The following GALNT9 variants were observed in gnomAD, a reference collection of about 807,000 sequenced individuals.
GALNT9 encodes GalNAc transferase 9.
A neutral mutation model predicts 63.1 loss-of-function variants in GALNT9; 47 were observed. The observed-to-expected ratio is 0.75, with a 90% confidence interval of 0.59 to 0.95. The LOEUF (loss-of-function observed/expected upper bound fraction) is 0.95. Among genes scored for constraint, GALNT9 ranks in the 40% least tolerant of loss-of-function variants. The pLI is 0.00. For missense variants in GALNT9, 829 were observed against 874.8 expected (o/e 0.95, Z 0.66); for synonymous variants, 396 against 365.7 (o/e 1.08, Z -0.94).
intron 2 of GALNT9, among the ~76,000 whole-genome samples, chr12:132,268,846 C>T (rs1344748903): frequency 1.3e-5 from 2 of 152,206 alleles, no homozygotes; most frequent in African/African-American, 2.4e-5. Flanking sequence ...GTCTGGCTAC[C>T]GGAAAGGCTG....
chr12:132,208,059 G>A (rs191066113), intron 6 of GALNT9, among the ~76,000 whole-genome samples: 98 of 152,272 alleles, frequency 6.4e-4, no homozygotes, highest in African/African-American at 1.8e-3. Flanking sequence ...GCCTTGTGCC[G>A]CGCTCCCCGG....
rs532350876 is a variant in GALNT9, at chr12:132,246,282, C to T, written c.1077+1628G>A. On this transcript the variant is annotated intron_variant, in intron 6 of 10. Coordinates refer to ENST00000328957, the MANE Select transcript of GALNT9 (RefSeq NM_001122636.2). The surrounding 1 kb of genome is among the most constrained non-coding windows in gnomAD (Gnocchi z 4.7). ...TGATTCTAGATGTGCAGTTTAAAAT[C>T]GGACAGGATGAGAGGATTAAAGGCA... is the stretch of plus-strand genomic sequence containing the variant. Among the ~76,000 whole-genome samples the T allele has an allele frequency of 1.6e-4, 25 of 152,288 alleles. No homozygotes were observed. In the South Asian group the frequency reaches 3.5e-3, roughly 21 times the overall value.
chr12:132,204,100 G>C (rs966164824), intron 6 of GALNT9, among the ~76,000 whole-genome samples: 3 of 149,556 alleles, frequency 2.0e-5, no homozygotes, highest in Non-Finnish European at 4.4e-5. Flanking sequence ...TTTACAAACA[G>C]CTGCTTGCCA....
intron 6 of GALNT9, among the ~76,000 whole-genome samples, chr12:132,214,842 GTTCCTGCTCAGTTCTGTGGCACGCCA>G (rs1178865078): frequency 2.6e-5 from 4 of 152,228 alleles, no homozygotes; most frequent in Admixed American, 2.6e-4. Flanking sequence ...GTGGCACCCT[GTTCCTGCTCAGTTCTGTGGCACGCCA>G]TTCCTGCTCA....
intron 6 of GALNT9, among the ~76,000 whole-genome samples, chr12:132,239,355 G>C (rs1878133297): frequency 6.7e-6 from 1 of 149,652 alleles, no homozygotes; most frequent in Non-Finnish European, 1.5e-5. Context: ...CAGAGTCAGA[G>C]ACAGAGAGAG....
At chr12:132,307,842 CAA>C (rs1881670658) in intron 1 of GALNT9, among the ~76,000 whole-genome samples, 1 of 145,864 alleles carries the variant, frequency 6.9e-6, no homozygotes, top group South Asian at 2.2e-4. Context: ...TCAAAACAAA[CAA>C]ACAACAACAA....
chr12:132,204,814 A>G (rs570021713), intron 6 of GALNT9, among the ~76,000 whole-genome samples: 2 of 151,842 alleles, frequency 1.3e-5, no homozygotes, highest in African/African-American at 4.8e-5. Flanking sequence ...TGACATCACT[A>G]TGAACAAATG....
intron 6 of GALNT9, among the ~76,000 whole-genome samples, chr12:132,230,649 C>T (rs1359811619): frequency 6.6e-6 from 1 of 152,210 alleles, no homozygotes; most frequent in Non-Finnish European, 1.5e-5. Context: ...CCGGGCAGGA[C>T]CCCTTCCCCG....
chr12:132,243,293 G>A (rs111391771), intron 6 of GALNT9, among the ~76,000 whole-genome samples: 1 of 140,058 alleles, frequency 7.1e-6, no homozygotes, highest in Non-Finnish European at 1.5e-5. Context: ...CACTTCCCGG[G>A]GCCCTCCCTA....
At chr12:132,200,373 G>GA (rs377697646) in intron 8 of GALNT9, 1 of 152,158 alleles carries the variant, frequency 6.6e-6, no homozygotes, top group Non-Finnish European at 1.5e-5. Context: ...TGGAGACGGG[G>GA]GTCTCTGTGT....
At position 132,290,973 on chromosome 12, in the gene GALNT9, A is replaced by G. The variant is rs1486671401; in HGVS notation, c.239-4543T>C. On this transcript the variant is annotated intron_variant, in intron 1 of 10. Transcript: ENST00000328957. ...CATCCACAGCGCCCACATCCACAGC[A>G]CCCACAACCACAGCACCCACAACCA... 1.3e-4 allele frequency among the ~76,000 whole-genome samples: 7 copies of G among 52,926 alleles called. 1 individual carries two copies. The highest frequency in any genetic ancestry group is 2.1e-4 in the Non-Finnish European group (6 of 28,438). The allele number at this position is 52,926 out of a possible 152,430, so 34.7% of individuals were successfully genotyped here.
intron 6 of GALNT9, among the ~76,000 whole-genome samples, chr12:132,231,020 C>T (rs1877872942): frequency 6.9e-6 from 1 of 144,436 alleles, no homozygotes; most frequent in Admixed American, 6.9e-5. Context: ...GTCCCTAGTG[C>T]CACACACTCG....
rs1321353931 is a variant in GALNT9, at chr12:132,286,941, C to T, written c.239-511G>A. Reference sequence around the variant, plus strand: ...CTGGTCTTGAACTCCTGACCTCAAGCGATCCACCTACCTAGGCCTCCCAAA... The same window carrying T: ...CTGGTCTTGAACTCCTGACCTCAAGTGATCCACCTACCTAGGCCTCCCAAA... On this transcript the variant is annotated intron_variant, in intron 1 of 10. Coordinates refer to ENST00000328957, the MANE Select transcript of GALNT9 (RefSeq NM_001122636.2). The surrounding 1 kb of genome is among the most constrained non-coding windows in gnomAD (Gnocchi z 7.4). 6.6e-6 allele frequency among the ~76,000 whole-genome samples: 1 copy of T among 152,002 alleles called. No homozygotes were observed. The highest frequency in any genetic ancestry group is 1.5e-5 in the Non-Finnish European group (1 of 67,982).
At chr12:132,201,586 C>G (rs1395674291) in intron 7 of GALNT9, among the ~76,000 whole-genome samples, 2 of 152,186 alleles carry the variant, frequency 1.3e-5, no homozygotes, top group Non-Finnish European at 2.9e-5. Flanking sequence ...CTCACCTGGC[C>G]TTACTGCACG....
intron 4 of GALNT9, among the ~76,000 whole-genome samples, chr12:132,259,376 C>T (rs1340176470): frequency 6.6e-6 from 1 of 152,176 alleles, no homozygotes; most frequent in Non-Finnish European, 1.5e-5. Context: ...ACAACGTGTG[C>T]GACTGCATGG....
At chr12:132,291,992 G>A (rs1555242830) in intron 1 of GALNT9, among the ~76,000 whole-genome samples, 1 of 152,176 alleles carries the variant, frequency 6.6e-6, no homozygotes, top group Non-Finnish European at 1.5e-5. Context: ...CAGTATGCCA[G>A]CCACGCTCCT....
At chr12:132,308,141 CA>C (rs1555244817) in intron 1 of GALNT9, among the ~76,000 whole-genome samples, 2 of 152,176 alleles carry the variant, frequency 1.3e-5, no homozygotes, top group Non-Finnish European at 2.9e-5. Flanking sequence ...GCAGAGGGTG[CA>C]GCAGCGTGGC....
chr12:132,196,729 AC>A lies in GALNT9; in HGVS notation c.*377del. On this transcript the variant is annotated 3_prime_UTR_variant, in exon 11 of 11. Transcript: ENST00000328957. ...CATGGGAGGCCTGCGGGTGGAAGACACCAGGGTGCAGCCTGGTGCATGGTCC... is the reference window on the plus strand; with the variant it reads ...CATGGGAGGCCTGCGGGTGGAAGACACAGGGTGCAGCCTGGTGCATGGTCC... 1 of 1,017,736 alleles carries A rather than the reference AC, an allele frequency of 9.8e-7. No homozygotes were observed. The highest frequency in any genetic ancestry group is 1.2e-6 in the Non-Finnish European group (1 of 850,914). 63.0% of individuals were successfully genotyped at this position (1,017,736 alleles called of 1,614,324 possible). A position where few individuals can be genotyped will look rare whatever the true frequency, so the allele number is the denominator to read the frequency against.
At chr12:132,220,488 A>C (rs1207706392) in intron 6 of GALNT9, among the ~76,000 whole-genome samples, 1 of 152,224 alleles carries the variant, frequency 6.6e-6, no homozygotes. Context: ...TATGAAAAAT[A>C]CCCATGGAAG....
Sources: gnomAD v4.1 joint callset for allele counts (sites outside exome capture counted in the v4.1 genomes callset) on GRCh38, gnomAD v4.1.1 for gene constraint, Gnocchi (gnomAD v3.1) non-coding constraint, MANE v1.5 for transcripts, NCBI Gene and HGNC (gene_info 2026-07-23, HGNC 2026-07-21) for gene names.